SMYD3: variants seen among roughly 807,000 people sequenced by gnomAD.
SMYD3 encodes the protein histone-lysine N-methyltransferase SMYD3.
In SMYD3, 36 loss-of-function variants were observed where a neutral mutation model predicts 57.7. The ratio of observed to expected loss-of-function variants is 0.62; its 90% CI spans 0.48 to 0.82. The LOEUF is 0.82. SMYD3 is among the 40% of genes least tolerant of loss of function. The pLI is 0.00. For synonymous variants in SMYD3, 211 were observed against 195.0 expected (o/e 1.08, Z -0.68); for missense variants, 515 against 538.8 (o/e 0.96, Z 0.44).
At chr1:246,260,170 C>T (rs2063978355) in intron 5 of SMYD3, among the ~76,000 whole-genome samples, 1 of 152,162 alleles carries the variant, frequency 6.6e-6, no homozygotes, top group African/African-American at 2.4e-5. Flanking sequence ...GCTCCAAATG[C>T]CTGCAGACCT....
intron 9 of SMYD3, among the ~76,000 whole-genome samples, chr1:245,862,692 T>A (rs1399469400): frequency 6.6e-6 from 1 of 152,194 alleles, no homozygotes; most frequent in Non-Finnish European, 1.5e-5. Flanking sequence ...ATTTTTTCAG[T>A]GTAGCTATTC....
At chr1:246,367,972 T>C (rs535878322) in intron 1 of SMYD3, among the ~76,000 whole-genome samples, 2 of 152,204 alleles carry the variant, frequency 1.3e-5, no homozygotes, top group Non-Finnish European at 2.9e-5. Context: ...CGGAGTGTCA[T>C]ATCAAAGAAA....
intron 1 of SMYD3, among the ~76,000 whole-genome samples, chr1:246,422,770 GA>G (rs1342227553): frequency 1.3e-5 from 2 of 152,022 alleles, no homozygotes; most frequent in Non-Finnish European, 2.9e-5. Context: ...TATTTATTAT[GA>G]TTTTTTTTTA....
intron 10 of SMYD3, among the ~76,000 whole-genome samples, chr1:245,835,122 C>CTTT (rs11449373): frequency 0.2 from 27,419 of 133,920 alleles, 3,370 homozygotes; most frequent in Non-Finnish European, 0.25. Context: ...GGCAGGTTTC[C>CTTT]TTTTTTTTTT....
At chr1:246,119,914 T>C (rs546356536) in intron 5 of SMYD3, among the ~76,000 whole-genome samples, 18 of 152,304 alleles carry the variant, frequency 1.2e-4, no homozygotes, top group African/African-American at 3.6e-4. Flanking sequence ...AAAAGACAGA[T>C]TGACAAGAGA....
At chr1:246,201,498 C>T (rs1020161779) in intron 5 of SMYD3, among the ~76,000 whole-genome samples, 2 of 152,114 alleles carry the variant, frequency 1.3e-5, no homozygotes, top group Non-Finnish European at 2.9e-5. Flanking sequence ...TTTAATTAGG[C>T]CATCAAAAAC....
chr1:246,364,998 A>G (rs569589297), intron 1 of SMYD3, among the ~76,000 whole-genome samples: 1 of 152,310 alleles, frequency 6.6e-6, no homozygotes, highest in East Asian at 1.9e-4. Flanking sequence ...TAAGTTTCTG[A>G]AAAAAAGAGA....
At chr1:246,339,024 A>T (rs990641927) in intron 2 of SMYD3, among the ~76,000 whole-genome samples, 12 of 140,604 alleles carry the variant, frequency 8.5e-5, no homozygotes, top group South Asian at 2.1e-4. Flanking sequence ...ACTTGTTTAT[A>T]ATTGTCTGAG....
At chr1:246,314,670 C>G (rs2065128842) in intron 5 of SMYD3, among the ~76,000 whole-genome samples, 1 of 152,080 alleles carries the variant, frequency 6.6e-6, no homozygotes, top group African/African-American at 2.4e-5. Context: ...AAGACAAATC[C>G]ACATACTCAA....
chr1:246,285,605 C>G (rs2064543752), intron 5 of SMYD3, among the ~76,000 whole-genome samples: 1 of 151,794 alleles, frequency 6.6e-6, no homozygotes, highest in Non-Finnish European at 1.5e-5. Context: ...TGACCAAGAA[C>G]CCAAAAGCAA....
intron 1 of SMYD3, among the ~76,000 whole-genome samples, chr1:246,463,686 A>T (rs1558476864): frequency 8.0e-6 from 1 of 124,540 alleles, no homozygotes; most frequent in South Asian, 2.6e-4. Flanking sequence ...AAAAAAAAAC[A>T]TTAGCTGGGT....
At chr1:246,004,527 G>T (rs560147826) in intron 5 of SMYD3, among the ~76,000 whole-genome samples, 2 of 152,344 alleles carry the variant, frequency 1.3e-5, no homozygotes, top group Non-Finnish European at 2.9e-5. Flanking sequence ...ATGAATGACA[G>T]CCTCCCGATT....
At chr1:245,974,082 A>T (rs765205770) in intron 5 of SMYD3, among the ~76,000 whole-genome samples, 6 of 152,102 alleles carry the variant, frequency 3.9e-5, no homozygotes, top group Non-Finnish European at 5.9e-5. Flanking sequence ...TTGCTAACAG[A>T]TGCCACTATC....
At chr1:245,853,332 T>C (rs992656409) in intron 10 of SMYD3, among the ~76,000 whole-genome samples, 57 of 152,298 alleles carry the variant, frequency 3.7e-4, no homozygotes, top group African/African-American at 1.4e-3. Flanking sequence ...GACACAAGCG[T>C]CCTCAGAGAG....
chr1:245,929,072 T>A (rs994006772), intron 6 of SMYD3, among the ~76,000 whole-genome samples: 1 of 152,220 alleles, frequency 6.6e-6, no homozygotes, highest in Non-Finnish European at 1.5e-5. Flanking sequence ...GTAAAGAGAC[T>A]GATGCACAGA....
chr1:246,165,211 G>C lies in SMYD3; in HGVS notation c.531+161990C>G, dbSNP rs116797657. Among the ~76,000 whole-genome samples, 1,121 of 152,276 alleles carry C rather than the reference G, an allele frequency of 7.4e-3. 5 individuals carry two copies. Among genetic ancestry groups the C allele is most frequent in the Middle Eastern group, 0.031 (9 of 294 alleles). ...TTTCAATTGAGTTAAGGACCTGAAC[G>C]CCAGACTACAGCGGAGGTGACAAGA... On this transcript the variant is annotated intron_variant, in intron 5 of 11. Transcript: ENST00000490107.
At chr1:246,006,887 A>G (rs1036115395) in intron 5 of SMYD3, among the ~76,000 whole-genome samples, 2 of 152,178 alleles carry the variant, frequency 1.3e-5, no homozygotes, top group African/African-American at 4.8e-5. Context: ...AAACATGAAA[A>G]CCAATTAGCA....
At chr1:245,898,614 A>G (rs1284343567) in intron 8 of SMYD3, among the ~76,000 whole-genome samples, 3 of 152,262 alleles carry the variant, frequency 2.0e-5, no homozygotes, top group African/African-American at 7.2e-5. Flanking sequence ...GAAAAGAAAG[A>G]AATTGAGAGC....
At chr1:246,220,928 G>C (rs1405412874) in intron 5 of SMYD3, among the ~76,000 whole-genome samples, 1 of 151,908 alleles carries the variant, frequency 6.6e-6, no homozygotes, top group Non-Finnish European at 1.5e-5. Flanking sequence ...CTGCAGAGAT[G>C]GTACTACCAG....
Sources: allele counts gnomAD v4.1 joint callset (sites outside exome capture counted in the v4.1 genomes callset), GRCh38; gene constraint gnomAD v4.1.1; transcripts MANE v1.5; gene names NCBI Gene and HGNC (gene_info 2026-07-23, HGNC 2026-07-21).